The following HIBCH variants were observed in gnomAD, a reference collection of about 807,000 sequenced individuals.
The protein encoded by HIBCH is 3-hydroxyisobutyryl-CoA hydrolase, mitochondrial.
In HIBCH, 50 loss-of-function variants were observed where a neutral mutation model predicts 58.2. The observed-to-expected ratio is 0.86, with a 90% CI of 0.68 to 1.09. HIBCH has a LOEUF of 1.09. Among genes scored for constraint, HIBCH ranks in the 50% least tolerant of loss-of-function variants. The pLI is 0.00. For synonymous variants in HIBCH, 151 were observed against 146.9 expected (o/e 1.03, Z -0.20); for missense variants, 450 against 449.7 (o/e 1.00, Z -0.01).
intron 2 of HIBCH, among the ~76,000 whole-genome samples, chr2:190,309,124 T>C (rs1265267545): frequency 6.6e-6 from 1 of 152,172 alleles, no homozygotes; most frequent in Non-Finnish European, 1.5e-5. Flanking sequence ...TACATAGTAA[T>C]AAAGGGTTTT....
rs1686292207 is a variant in HIBCH, at chr2:190,236,945, C to G, written c.891+7942G>C. Among the ~76,000 whole-genome samples, 1 of 152,158 alleles carries G rather than the reference C, an allele frequency of 6.6e-6. No individual in the cohort carries two copies. The highest frequency in any genetic ancestry group is 2.1e-4 in the South Asian group (1 of 4,830). On this transcript the variant is annotated intron_variant, in intron 11 of 13. Coordinates refer to ENST00000359678, the MANE Select transcript of HIBCH (RefSeq NM_014362.4). This position sits in a 1 kb window ranked among gnomAD's most constrained non-coding sequence, Gnocchi z 4.1. ...CTGATGCATTTTCCCCTTTATCATA[C>G]TCTTTCCCCAAAGCACAATGTATCC...
chr2:190,206,572 G>C lies in HIBCH; in HGVS notation c.1046-1340C>G, dbSNP rs1213534453. Among the ~76,000 whole-genome samples the C allele has an allele frequency of 6.6e-6, 1 of 152,176 alleles. No homozygotes were observed. The highest frequency in any genetic ancestry group is 1.9e-4 in the East Asian group (1 of 5,204). On this transcript the variant is annotated intron_variant, in intron 13 of 13. Coordinates refer to ENST00000359678, the MANE Select transcript of HIBCH (RefSeq NM_014362.4). The surrounding 1 kb of genome is among the most constrained non-coding windows in gnomAD (Gnocchi z 5.1). Reference sequence around the variant, plus strand: ...AAGTCTCCTGAGATAGCCACTACATGGAGTTTGAGTGGGTATCCAGCTCCA... The same window carrying C: ...AAGTCTCCTGAGATAGCCACTACATCGAGTTTGAGTGGGTATCCAGCTCCA...
rs758186654 is a variant in HIBCH at position 190,306,392 on chromosome 2, C to G, written c.78+4362G>C. 6.6e-6 allele frequency among the ~76,000 whole-genome samples: 1 copy of G among 152,080 alleles called. No homozygotes were observed. The highest frequency in any genetic ancestry group is 1.5e-5 in the Non-Finnish European group (1 of 68,016). Reference sequence around the variant, plus strand: ...AAAAGGTCTTTTGCTGTAGACTCCACGAAGAAGAAGGTTTTTGCTGTGAGC... The same window carrying G: ...AAAAGGTCTTTTGCTGTAGACTCCAGGAAGAAGAAGGTTTTTGCTGTGAGC... On this transcript the variant is annotated intron_variant, in intron 2 of 13. Transcript: ENST00000359678. This position sits in a 1 kb window ranked among gnomAD's most constrained non-coding sequence, Gnocchi z 4.6.
At chr2:190,246,309 T>G in intron 9 of HIBCH, 97 bp from the exon 10 acceptor site, 5 of 731,090 alleles carry the variant, frequency 6.8e-6, no homozygotes, top group Non-Finnish European at 1.2e-5. Flanking sequence ...GATTGTCACT[T>G]GTCACTTTCA....
Position 190,211,790 on chromosome 2 carries a change from A to G in HIBCH, c.1011+1166T>C, listed in dbSNP as rs1690516623. On this transcript the variant is annotated intron_variant, in intron 12 of 13. Transcript: ENST00000359678. The surrounding 1 kb of genome is among the most constrained non-coding windows in gnomAD (Gnocchi z 5.0). ...CTCAGTAGACTAAACCCATGAAAAT[A>G]AAGGACTGTGTCTTCTTATTCAACA... Among the ~76,000 whole-genome samples, 1 of 152,222 alleles carries G rather than the reference A, an allele frequency of 6.6e-6. No individual in the cohort carries two copies. Among genetic ancestry groups the G allele is most frequent in the South Asian group, 2.1e-4 (1 of 4,834 alleles).
At chr2:190,201,338 G>A (rs1284667731), downstream of HIBCH, 2 of 166,784 alleles carry the variant, frequency 1.2e-5, no homozygotes, top group African/African-American at 4.8e-5. Flanking sequence ...AATTTGGGAG[G>A]GAGAAGAAGA....
chr2:190,307,415 T>C (rs1422567662), intron 2 of HIBCH, among the ~76,000 whole-genome samples: 2 of 152,238 alleles, frequency 1.3e-5, no homozygotes, highest in African/African-American at 4.8e-5. Context: ...CTCACACCTA[T>C]CATTCTAGCA....
Position 190,296,871 on chromosome 2 carries a change from G to C in HIBCH, c.161C>G (p.Pro54Arg). 6.2e-7 allele frequency: 1 copy of C among 1,613,780 alleles called. No homozygotes were observed. The highest frequency in any genetic ancestry group is 8.5e-7 in the Non-Finnish European group (1 of 1,179,728). ...AAGAGTCAGTGCATTGAGGAACTTT[G>C]GTCTGTTTAGTGTTATGACTCCCGT... ...GCTGVITLNR[P>R]KFLNALTLNM... Residue 54 changes from proline (P) to arginine (R), a missense_variant, in exon 3 of 14, where the codon CCA (proline) becomes CGA (arginine). Pro to Arg is a moderately radical substitution (Grantham distance 103). Coordinates refer to ENST00000359678, the MANE Select transcript of HIBCH (RefSeq NM_014362.4).
chr2:190,238,769 G>A (rs763048100), intron 11 of HIBCH, among the ~76,000 whole-genome samples: 1 of 152,148 alleles, frequency 6.6e-6, no homozygotes, highest in African/African-American at 2.4e-5. Flanking sequence ...GGCCACAAAC[G>A]TCTTCTTTTG....
intron 8 of HIBCH, among the ~76,000 whole-genome samples, chr2:190,250,715 A>T (rs1216438893): frequency 6.6e-6 from 1 of 152,224 alleles, no homozygotes; most frequent in Non-Finnish European, 1.5e-5. Context: ...TTGGCCAAAC[A>T]TGATAGAAAG....
At chr2:190,319,086 A>C (rs1043645117) in intron 1 of HIBCH, among the ~76,000 whole-genome samples, 1 of 152,220 alleles carries the variant, frequency 6.6e-6, no homozygotes, top group African/African-American at 2.4e-5. Flanking sequence ...GTACAGGGCC[A>C]GGCAGTGGGC....
At chr2:190,242,079 C>T (rs543691374) in intron 11 of HIBCH, among the ~76,000 whole-genome samples, 2 of 152,200 alleles carry the variant, frequency 1.3e-5, no homozygotes, top group East Asian at 1.9e-4. Context: ...TCCATTCTCC[C>T]GTCACTTTCA....
chr2:190,273,533 C>T (rs958433936), intron 6 of HIBCH, among the ~76,000 whole-genome samples: 6 of 152,170 alleles, frequency 3.9e-5, no homozygotes, highest in Non-Finnish European at 8.8e-5. Flanking sequence ...TCCATCCACA[C>T]TTGGAGAAAG....
chr2:190,257,303 G>C (rs80069902), intron 7 of HIBCH, among the ~76,000 whole-genome samples: 1,690 of 152,274 alleles, frequency 0.011, 37 homozygotes, highest in African/African-American at 0.038. Flanking sequence ...AACCAGAGTA[G>C]AATCGAATTC....
At chr2:190,265,615 C>CA (rs1442384013) in intron 6 of HIBCH, among the ~76,000 whole-genome samples, 1 of 152,148 alleles carries the variant, frequency 6.6e-6, no homozygotes, top group Non-Finnish European at 1.5e-5. Context: ...TCATTCTTAA[C>CA]ACATTACAAT....
At chr2:190,314,546 T>A (rs1688664247) in intron 1 of HIBCH, among the ~76,000 whole-genome samples, 1 of 151,994 alleles carries the variant, frequency 6.6e-6, no homozygotes, top group Admixed American at 6.6e-5. Context: ...TGGCACGATC[T>A]CAGCTCACTG....
rs1343236476 is a variant in HIBCH at position 190,217,595 on chromosome 2, C to A, written c.892-4520G>T. Among the ~76,000 whole-genome samples the A allele has an allele frequency of 2.0e-5, 3 of 152,164 alleles. No homozygotes were observed. The highest frequency in any genetic ancestry group is 2.1e-4 in the South Asian group (1 of 4,828). On this transcript the variant is annotated intron_variant, in intron 11 of 13. Transcript: ENST00000359678. This position sits in a 1 kb window ranked among gnomAD's most constrained non-coding sequence, Gnocchi z 4.6. ...AAAGACCAATTTTTTAAAAATTATA[C>A]ACTGGGCATATCCTCTACCCTGTCA...
intron 6 of HIBCH, among the ~76,000 whole-genome samples, chr2:190,263,772 A>C (rs1687157497): frequency 6.6e-6 from 1 of 152,182 alleles, no homozygotes; most frequent in South Asian, 2.1e-4. Flanking sequence ...TGCTCAGGCC[A>C]AACATCTCAG....
chr2:190,210,447 T>C lies in HIBCH; in HGVS notation c.1012-1534A>G, dbSNP rs187092487. Among the ~76,000 whole-genome samples, 1 of 152,216 alleles carries C rather than the reference T, an allele frequency of 6.6e-6. No homozygotes were observed. The highest frequency in any genetic ancestry group is 1.9e-4 in the East Asian group (1 of 5,186). On this transcript the variant is annotated intron_variant, in intron 12 of 13. Coordinates refer to ENST00000359678, the MANE Select transcript of HIBCH (RefSeq NM_014362.4). The surrounding 1 kb of genome is among the most constrained non-coding windows in gnomAD (Gnocchi z 5.5). ...TCTACCACACCTCAAAATGTTAGAGTTCCTTAGGGCTCAGGTCTGGACTCT... is the reference window on the plus strand; with the variant it reads ...TCTACCACACCTCAAAATGTTAGAGCTCCTTAGGGCTCAGGTCTGGACTCT...
Sources: gnomAD v4.1 joint callset for allele counts (sites outside exome capture counted in the v4.1 genomes callset) on GRCh38, gnomAD v4.1.1 for gene constraint, Gnocchi (gnomAD v3.1) non-coding constraint, MANE v1.5 for transcripts, NCBI Gene and HGNC (gene_info 2026-07-23, HGNC 2026-07-21) for gene names.